The following AGMO variants were observed in gnomAD, a reference collection of about 807,000 sequenced individuals.
AGMO encodes glyceryl-ether monooxygenase.
In AGMO, 75 loss-of-function variants were observed where a neutral mutation model predicts 60.2. The ratio of observed to expected loss-of-function variants is 1.25; its 90% CI spans 1.03 to 1.51. AGMO has a LOEUF of 1.51. Ranked by LOEUF, AGMO falls within the 40% of genes most tolerant of loss-of-function variation. AGMO has a pLI of 0.00. For synonymous variants in AGMO, 261 were observed against 177.1 expected, an observed-to-expected ratio of 1.47 and a Z score of -3.76; for missense variants, 763 against 525.5, an observed-to-expected ratio of 1.45 and a Z score of -4.42.
At chr7:15,163,462 A>AT in the AGMO span, among the ~76,000 whole-genome samples, 1 of 152,224 alleles carries the variant, frequency 6.6e-6, no homozygotes, top group East Asian at 1.9e-4. Flanking sequence ...TTGGTTTGTC[A>AT]TATATGGCTT....
chr7:15,318,763 TTTTC>T (rs1360441806), intron 12 of AGMO, among the ~76,000 whole-genome samples: 2 of 152,188 alleles, frequency 1.3e-5, no homozygotes, highest in Non-Finnish European at 2.9e-5. Context: ...GGCTCAATTT[TTTTC>T]TTTGTTTTTA....
At chr7:15,248,178 CCATATATATATATATATA>C (rs1264589916) in intron 12 of AGMO, among the ~76,000 whole-genome samples, 5 of 23,214 alleles carry the variant, frequency 2.2e-4, no homozygotes, top group Non-Finnish European at 2.7e-4. Flanking sequence ...TGATCCAGCA[CCATATATATATATATATA>C]TATATATATA....
intron 12 of AGMO, among the ~76,000 whole-genome samples, chr7:15,337,107 C>G (rs10234276): frequency 0.034 from 5,191 of 152,238 alleles, 291 homozygotes; most frequent in African/African-American, 0.12. Context: ...AATGTCACAT[C>G]CCTAAATCCG....
At chr7:15,418,157 A>G (rs1004601872) in intron 5 of AGMO, among the ~76,000 whole-genome samples, 6 of 152,066 alleles carry the variant, frequency 3.9e-5, no homozygotes, top group African/African-American at 1.4e-4. Context: ...ACAATTTTTA[A>G]GGGTGTTTCA....
intron 12 of AGMO, among the ~76,000 whole-genome samples, chr7:15,299,125 A>G (rs1465575887): frequency 6.6e-6 from 1 of 152,230 alleles, no homozygotes; most frequent in African/African-American, 2.4e-5. Flanking sequence ...TTTTAAGGTT[A>G]GCTAGAACTA....
chr7:15,357,542 G>C (rs1326772148), intron 12 of AGMO, among the ~76,000 whole-genome samples: 7 of 152,144 alleles, frequency 4.6e-5, no homozygotes. Context: ...ATTTTCGGCT[G>C]GTCTGATAAT....
chr7:15,396,525 A>C (rs1342881554), intron 5 of AGMO: 3 of 152,240 alleles, frequency 2.0e-5, no homozygotes, highest in Admixed American at 1.3e-4. Context: ...ATACATTGCA[A>C]AGAGCAAAAG....
chr7:15,396,433 A>C (rs868519397), intron 5 of AGMO: 12 of 152,400 alleles, frequency 7.9e-5, no homozygotes, highest in African/African-American at 2.9e-4. Context: ...TGCTGGCTTG[A>C]GAAGTGAAGC....
At chr7:15,339,830 A>T (rs770872550) in intron 12 of AGMO, among the ~76,000 whole-genome samples, 10 of 152,174 alleles carry the variant, frequency 6.6e-5, no homozygotes, top group Non-Finnish European at 1.5e-4. Flanking sequence ...TCTAAAAGCA[A>T]TTTTTTAAAT....
At chr7:15,460,871 G>A (rs1172351356) in intron 3 of AGMO, among the ~76,000 whole-genome samples, 3 of 152,120 alleles carry the variant, frequency 2.0e-5, no homozygotes, top group African/African-American at 7.2e-5. Flanking sequence ...TGATAAAGCT[G>A]AAGTGATTTA....
chr7:15,541,943 G>C (rs77132553), intron 3 of AGMO, among the ~76,000 whole-genome samples: 34,524 of 151,970 alleles, frequency 0.23, 4,163 homozygotes, highest in Middle Eastern at 0.25. Context: ...GAAAAAGTAG[G>C]ATTTGATTTT....
At chr7:15,141,521 G>T in the AGMO span, among the ~76,000 whole-genome samples, 3 of 152,112 alleles carry the variant, frequency 2.0e-5, no homozygotes, top group African/African-American at 7.2e-5. Flanking sequence ...GGGAGGCAGC[G>T]GTTGCAGTGA....
chr7:15,475,835 G>A (rs1041493468), intron 3 of AGMO, among the ~76,000 whole-genome samples: 1 of 151,894 alleles, frequency 6.6e-6, no homozygotes, highest in African/African-American at 2.4e-5. Flanking sequence ...TTTGAAAGTA[G>A]GATTAAAAGA....
At chr7:15,428,859 A>T (rs1458976556) in intron 4 of AGMO, among the ~76,000 whole-genome samples, 1 of 152,062 alleles carries the variant, frequency 6.6e-6, no homozygotes, top group African/African-American at 2.4e-5. Flanking sequence ...AGTTGTCTTT[A>T]ATAAAAGAGA....
At position 15,229,617 on chromosome 7, in the gene AGMO, C is replaced by T. The variant is rs185311564; in HGVS notation, c.1264-28258G>A. On this transcript the variant is annotated intron_variant, in intron 12 of 12. Coordinates refer to ENST00000342526, the MANE Select transcript of AGMO (RefSeq NM_001004320.2). The stretch of plus-strand genomic sequence containing the variant: ...TTTTGCCAACTTCACAAAACTTTCA[C>T]CCATTTCAAGTTCAAATTAAAAATG... Among the ~76,000 whole-genome samples the T allele has an allele frequency of 2.4e-3, 354 of 148,588 alleles. 1 individual carries two copies. Among genetic ancestry groups the T allele is most frequent in the Middle Eastern group, 0.011 (3 of 280 alleles).
the AGMO span, among the ~76,000 whole-genome samples, chr7:15,121,864 C>CA: frequency 2.0e-5 from 3 of 151,910 alleles, no homozygotes; most frequent in South Asian, 6.2e-4. Flanking sequence ...TAGCCACATG[C>CA]AAAAAACTGA....
In AGMO at chr7:15,279,111, C is replaced by A. The variant is rs181549028; in HGVS notation, c.1264-77752G>T. ...ACCTTGAGCAATGCCTGTGTACAGT[C>A]TTCAGGCAGCTCCCTGATTACTCTG... On this transcript the variant is annotated intron_variant, in intron 12 of 12. Transcript: ENST00000342526. Among the ~76,000 whole-genome samples the A allele has an allele frequency of 2.0e-5, 3 of 152,296 alleles. No homozygotes were observed. The East Asian group carries it at 5.8e-4, about 29-fold the overall frequency.
chr7:15,531,389 T>C (rs1583655444), intron 3 of AGMO, among the ~76,000 whole-genome samples: 1 of 93,538 alleles, frequency 1.1e-5, no homozygotes, highest in African/African-American at 4.7e-5. Flanking sequence ...ATTCTATATA[T>C]ATTCTATATA....
At chr7:15,185,989 C>A in the AGMO span, among the ~76,000 whole-genome samples, 2 of 152,104 alleles carry the variant, frequency 1.3e-5, no homozygotes, top group Admixed American at 1.3e-4. Flanking sequence ...ATTTTGTGGG[C>A]AAGATGTCTA....
Sources: gnomAD v4.1 joint callset for allele counts (sites outside exome capture counted in the v4.1 genomes callset) on GRCh38, gnomAD v4.1.1 for gene constraint, MANE v1.5 for transcripts, NCBI Gene and HGNC (gene_info 2026-07-23, HGNC 2026-07-21) for gene names.